Variants in ALDH1A1 observed in about 807,000 individuals in gnomAD.
ALDH1A1 encodes aldehyde dehydrogenase 1A1.
In ALDH1A1, 19 loss-of-function variants were observed where a neutral mutation model predicts 62.1. That is an observed-to-expected ratio of 0.31 (90% CI 0.21 to 0.45). The LOEUF is 0.45. ALDH1A1 is among the 20% of genes least tolerant of loss of function. The pLI is 1.00. For missense variants in ALDH1A1, 521 were observed against 607.1 expected (o/e 0.86, Z 1.49); for synonymous variants, 231 against 215.9 (o/e 1.07, Z -0.61).
chr9:72,927,348 A>T (rs1228928351), intron 4 of ALDH1A1, among the ~76,000 whole-genome samples, 171 bp from the exon 5 acceptor site: 1 of 152,152 alleles, frequency 6.6e-6, no homozygotes, highest in East Asian at 1.9e-4. Context: ...CGAGGCAGGC[A>T]GATCACGAGG....
At chr9:72,906,954 A>G (rs1276109581) in intron 11 of ALDH1A1, among the ~76,000 whole-genome samples, 1 of 152,150 alleles carries the variant, frequency 6.6e-6, no homozygotes, top group Non-Finnish European at 1.5e-5. Flanking sequence ...CCTGGGCAAC[A>G]TAGCAAACCC....
chr9:72,918,554 T>C (rs940574444), intron 8 of ALDH1A1, among the ~76,000 whole-genome samples, 166 bp downstream of exon 8: 3 of 151,806 alleles, frequency 2.0e-5, no homozygotes, highest in Admixed American at 1.3e-4. Flanking sequence ...TTTAGGATGA[T>C]TTAAGAGATT....
At chr9:72,925,363 C>G (rs1830191685) in intron 6 of ALDH1A1, 121 bp downstream of exon 6, 2 of 1,138,460 alleles carry the variant, frequency 1.8e-6, no homozygotes, top group Admixed American at 2.6e-5. Flanking sequence ...TAAATGTATT[C>G]CCCCCACTGG....
At chr9:72,924,641 C>T (rs1461920674) in intron 6 of ALDH1A1, among the ~76,000 whole-genome samples, 3 of 152,160 alleles carry the variant, frequency 2.0e-5, no homozygotes, top group Non-Finnish European at 4.4e-5. Flanking sequence ...CATGATTCAA[C>T]ATCACAGGTT....
chr9:72,930,265 T>C (rs576585976), intron 3 of ALDH1A1, among the ~76,000 whole-genome samples: 2 of 152,248 alleles, frequency 1.3e-5, no homozygotes, highest in Non-Finnish European at 2.9e-5. Flanking sequence ...CAAACAAAAA[T>C]AGTATTCATA....
chr9:72,932,205 T>C (rs952254466), intron 2 of ALDH1A1, among the ~76,000 whole-genome samples: 2 of 152,204 alleles, frequency 1.3e-5, no homozygotes, highest in African/African-American at 4.8e-5. Flanking sequence ...GGCCAGTAGG[T>C]TGCAATATTT....
At position 72,917,088 on chromosome 9, in the gene ALDH1A1, T is replaced by A; in HGVS notation, c.867A>T (p.Glu289Asp). 6.2e-7 allele frequency: 1 copy of A among 1,602,872 alleles called. No individual in the cohort carries two copies. The highest frequency in any genetic ancestry group is 8.5e-7 in the Non-Finnish European group (1 of 1,174,184). The change falls in exon 9 of 13, where the codon GAA becomes GAT. Residue 289 changes from glutamate (E) to aspartate (D), a missense_variant. Coordinates refer to ENST00000297785, the MANE Select transcript of ALDH1A1 (RefSeq NM_000689.5). ...LADADLDNAV[E>D]FAHHGVFYHQ... ...GGTAGAATACCCCATGGTGTGCAAA[T>A]TCAACAGCATTGTCCACTGCGAAGA...
At chr9:72,946,123 T>G (rs550761917) in intron 1 of ALDH1A1, among the ~76,000 whole-genome samples, 2 of 152,090 alleles carry the variant, frequency 1.3e-5, no homozygotes, top group African/African-American at 4.8e-5. Flanking sequence ...ATCATATATT[T>G]TCTGTATCAG....
chr9:72,944,285 A>G (rs1830449936), intron 1 of ALDH1A1, among the ~76,000 whole-genome samples: 1 of 152,106 alleles, frequency 6.6e-6, no homozygotes, highest in African/African-American at 2.4e-5. Flanking sequence ...CTTTTGAAGG[A>G]GAGTGATGTA....
chr9:72,918,723 C>A lies in ALDH1A1; in HGVS notation c.847G>T (p.Asp283Tyr). 1.3e-6 allele frequency: 2 copies of A among 1,590,824 alleles called. No individual in the cohort carries two copies. The highest frequency in any genetic ancestry group is 1.7e-6 in the Non-Finnish European group (2 of 1,168,370). The change falls in exon 8 of 13, where the codon GAC becomes TAC. Residue 283 changes from aspartate to tyrosine, a missense_variant. By Grantham distance (160) the Asp-to-Tyr change is radical. Transcript: ENST00000297785. ...KSPCIVLADA[D>Y]LDNAVEFAHH... The stretch of plus-strand genomic sequence containing the variant: ...TAACAAAGTGGTTTCTACTCACAGT[C>A]GGCATCAGCTAACACAATGCAAGGG...
intron 1 of ALDH1A1, among the ~76,000 whole-genome samples, chr9:72,950,861 AT>A (rs11325184): frequency 0.94 from 142,144 of 150,746 alleles, 67,139 homozygotes; most frequent in Non-Finnish European, 0.97. Context: ...AATAACCATC[AT>A]TTTTTTTTTT....
intron 1 of ALDH1A1, among the ~76,000 whole-genome samples, chr9:72,948,165 A>C (rs903396093): frequency 2.0e-5 from 3 of 151,908 alleles, no homozygotes; most frequent in Admixed American, 2.0e-4. Flanking sequence ...AATAGCTGGA[A>C]ATTGAAGCCA....
rs1830070817 is a variant in ALDH1A1, at chr9:72,916,823, G to A, written c.1035+97C>T. On this transcript the variant is annotated intron_variant, in intron 9 of 12. Transcript: ENST00000297785. ...ACAGCATTGTCACCTAGGAAGGTGT[G>A]CAGATGGGAAGTAATCTTACTCAAT... is the stretch of plus-strand genomic sequence containing the variant. 3.0e-6 allele frequency: 3 copies of A among 1,004,184 alleles called. No homozygotes were observed. In the Admixed American group the frequency reaches 9.1e-5, roughly 31 times the overall value. The allele number at this position is 1,004,184 out of a possible 1,614,324, so 62.2% of individuals were successfully genotyped here.
rs201404630 is a variant in ALDH1A1 at position 72,918,729 on chromosome 9, C to T, written c.841G>A (p.Asp281Asn). ...GGKSPCIVLA[D>N]ADLDNAVEFA... is the part of the protein sequence containing the mutation. ...AGTGGTTTCTACTCACAGTCGGCAT[C>T]AGCTAACACAATGCAAGGGCTCTTT... Residue 281 changes from aspartate (D) to asparagine (N), a missense_variant, in exon 8 of 13, where the codon GAT becomes AAT. Transcript: ENST00000297785. The T allele has an allele frequency of 6.3e-7, 1 of 1,582,244 alleles. No individual in the cohort carries two copies. The highest frequency in any genetic ancestry group is 8.6e-7 in the Non-Finnish European group (1 of 1,162,670).
intron 10 of ALDH1A1, among the ~76,000 whole-genome samples, chr9:72,910,559 A>C (rs986941011): frequency 3.9e-5 from 6 of 152,218 alleles, no homozygotes; most frequent in Non-Finnish European, 5.9e-5. Flanking sequence ...ACTGCAGCCC[A>C]AACTCAATTC....
chr9:72,934,070 G>T (rs913296818), intron 2 of ALDH1A1, among the ~76,000 whole-genome samples: 1 of 152,076 alleles, frequency 6.6e-6, no homozygotes, highest in African/African-American at 2.4e-5. Flanking sequence ...TGCTATGATT[G>T]CAGGCATGAG....
chr9:72,932,202 A>G (rs1830289576), intron 2 of ALDH1A1, among the ~76,000 whole-genome samples: 1 of 152,236 alleles, frequency 6.6e-6, no homozygotes, highest in Non-Finnish European at 1.5e-5. Flanking sequence ...ACAGGCCAGT[A>G]GGTTGCAATA....
At chr9:72,912,742 C>T (rs774031901) in intron 9 of ALDH1A1, among the ~76,000 whole-genome samples, 1 of 152,156 alleles carries the variant, frequency 6.6e-6, no homozygotes, top group Non-Finnish European at 1.5e-5. Context: ...CTGAATGTCA[C>T]CATCCTGCTT....
At chr9:72,912,884 T>A (rs1439609012) in intron 9 of ALDH1A1, among the ~76,000 whole-genome samples, 1 of 152,208 alleles carries the variant, frequency 6.6e-6, no homozygotes, top group East Asian at 1.9e-4. Context: ...CACGTACCTC[T>A]TCAAGCACTG....
Sources: allele counts gnomAD v4.1 joint callset (sites outside exome capture counted in the v4.1 genomes callset), GRCh38; gene constraint gnomAD v4.1.1; transcripts MANE v1.5; gene names NCBI Gene and HGNC (gene_info 2026-07-23, HGNC 2026-07-21).